Variants in RP1 observed in about 807,000 individuals in gnomAD.
RP1 encodes the protein RP1 axonemal microtubule associated, also known as oxygen-regulated protein 1.
A neutral mutation model predicts 14.8 loss-of-function variants in RP1; 16 were observed. That is an observed-to-expected ratio of 1.08 (90% CI 0.73 to 1.65). RP1 has a LOEUF of 1.65. Ranked by LOEUF, RP1 falls within the 40% of genes most tolerant of loss-of-function variation. RP1 has a pLI of 0.00. For missense variants in RP1, 2,631 were observed against 2,535.0 expected, an observed-to-expected ratio of 1.04 and a Z score of -0.81; for synonymous variants, 876 against 883.6, an observed-to-expected ratio of 0.99 and a Z score of 0.15.
At chr8:54,706,362 A>C (rs1174088444) in intron 14 of RP1, 2 of 1,371,878 alleles carry the variant, frequency 1.5e-6, no homozygotes, top group Admixed American at 4.2e-5. Flanking sequence ...TCAGTAAGAG[A>C]ATTGCCTCTA....
chr8:54,726,531 C>T (rs1585639525), intron 17 of RP1: 2 of 1,485,976 alleles, frequency 1.3e-6, no homozygotes, highest in Non-Finnish European at 1.8e-6. Flanking sequence ...ATTATTTCTT[C>T]CTGTGGCCAT....
chr8:54,632,699 G>A (rs111787623), downstream of RP1, among the ~76,000 whole-genome samples: 2,123 of 152,084 alleles, frequency 0.014, 23 homozygotes, highest in Non-Finnish European at 0.021. Flanking sequence ...TACGAAAGCA[G>A]TATTTTAGTT....
intron 27 of RP1, among the ~76,000 whole-genome samples, chr8:54,862,175 G>T (rs934283526): frequency 6.6e-6 from 1 of 152,158 alleles, no homozygotes. Flanking sequence ...AGGTAAATCC[G>T]TAGAAGTCAG....
At chr8:54,860,756 A>G (rs1267728378) in intron 27 of RP1, among the ~76,000 whole-genome samples, 1 of 152,270 alleles carries the variant, frequency 6.6e-6, no homozygotes, top group Non-Finnish European at 1.5e-5. Context: ...GGCAGGGCCT[A>G]TGGTGACAGA....
chr8:54,604,211 C>T (rs542398195), intron 1 of RP1, among the ~76,000 whole-genome samples: 2 of 152,248 alleles, frequency 1.3e-5, no homozygotes, highest in African/African-American at 2.4e-5. Flanking sequence ...AGATAATTCC[C>T]ATCAATACCT....
intron 24 of RP1, among the ~76,000 whole-genome samples, chr8:54,827,743 C>A (rs1563388695): frequency 6.6e-6 from 1 of 152,046 alleles, no homozygotes; most frequent in Non-Finnish European, 1.5e-5. Context: ...ACTAAAAATA[C>A]AAAAATTAGC....
At chr8:54,591,610 G>A (rs1384301022) in intron 1 of RP1, among the ~76,000 whole-genome samples, 3 of 151,962 alleles carry the variant, frequency 2.0e-5, no homozygotes, top group African/African-American at 7.3e-5. Flanking sequence ...TGTTTTTGCT[G>A]TCTGTAGTTG....
chr8:54,644,877 G>A (rs1806515861), intron 3 of RP1, among the ~76,000 whole-genome samples: 1 of 152,092 alleles, frequency 6.6e-6, no homozygotes, highest in African/African-American at 2.4e-5. Flanking sequence ...GTGATTTCCA[G>A]CAGTCCTTGG....
chr8:54,589,893 G>A (rs577442665), intron 1 of RP1, among the ~76,000 whole-genome samples: 12 of 152,234 alleles, frequency 7.9e-5, no homozygotes, highest in African/African-American at 1.9e-4. Flanking sequence ...CCAACATGGC[G>A]CTAAAATCCT....
At chr8:54,665,924 CCTG>C (rs1807007168) in intron 7 of RP1, among the ~76,000 whole-genome samples, 1 of 152,046 alleles carries the variant, frequency 6.6e-6, no homozygotes, top group Non-Finnish European at 1.5e-5. Flanking sequence ...GGGGTTTTTG[CCTG>C]CTTTCTCTGC....
intron 1 of RP1, among the ~76,000 whole-genome samples, chr8:54,567,534 A>G (rs1804435325): frequency 6.6e-6 from 1 of 152,156 alleles, no homozygotes; most frequent in African/African-American, 2.4e-5. Flanking sequence ...AGAAGAAAAA[A>G]ATACTACTAC....
intron 8 of RP1, among the ~76,000 whole-genome samples, chr8:54,677,495 G>A (rs576581657): frequency 6.6e-6 from 1 of 152,268 alleles, no homozygotes; most frequent in African/African-American, 2.4e-5. Flanking sequence ...GCGAGGCTGA[G>A]GTGTGAGGAT....
At chr8:54,704,759 T>C (rs1029548975) in intron 14 of RP1, among the ~76,000 whole-genome samples, 1 of 152,226 alleles carries the variant, frequency 6.6e-6, no homozygotes, top group Non-Finnish European at 1.5e-5. Context: ...CAACATAATT[T>C]TAACTCATAC....
intron 3 of RP1, among the ~76,000 whole-genome samples, chr8:54,638,385 C>T (rs577235114): frequency 1.3e-5 from 2 of 150,918 alleles, no homozygotes; most frequent in Admixed American, 1.3e-4. Context: ...TTGCAGTGAG[C>T]CGAGATCGCG....
At chr8:54,721,389 C>T (rs1808533875) in intron 16 of RP1, among the ~76,000 whole-genome samples, 1 of 152,098 alleles carries the variant, frequency 6.6e-6, no homozygotes, top group Non-Finnish European at 1.5e-5. Flanking sequence ...CAGAAGAATA[C>T]AGGAGTAGAA....
chr8:54,588,113 G>C (rs1278237724), intron 1 of RP1, among the ~76,000 whole-genome samples: 1 of 152,176 alleles, frequency 6.6e-6, no homozygotes, highest in East Asian at 1.9e-4. Flanking sequence ...ACTTTATGCT[G>C]TGACTATAAC....
chr8:54,688,473 T>G (rs1180758171), intron 12 of RP1, among the ~76,000 whole-genome samples: 1 of 152,222 alleles, frequency 6.6e-6, no homozygotes, highest in Admixed American at 6.5e-5. Flanking sequence ...TTAATCCATC[T>G]CGAATTAATT....
chr8:54,780,440 A>G (rs1218326301), intron 23 of RP1, among the ~76,000 whole-genome samples: 2 of 152,242 alleles, frequency 1.3e-5, no homozygotes, highest in African/African-American at 2.4e-5. Context: ...CACAATGTGC[A>G]TAATGTGGAC....
intron 24 of RP1, among the ~76,000 whole-genome samples, chr8:54,831,023 A>G (rs1811509330): frequency 6.6e-6 from 1 of 152,104 alleles, no homozygotes; most frequent in Non-Finnish European, 1.5e-5. Context: ...ATGTTGAAGC[A>G]TACATCCGTA....
Sources: allele counts gnomAD v4.1 joint callset (sites outside exome capture counted in the v4.1 genomes callset), GRCh38; gene constraint gnomAD v4.1.1; transcripts MANE v1.5; gene names NCBI Gene and HGNC (gene_info 2026-07-23, HGNC 2026-07-21).